The following COP1 variants were observed in gnomAD, a reference collection of about 807,000 sequenced individuals.
The protein encoded by COP1 is COP1 E3 ubiquitin ligase, also known as E3 ubiquitin-protein ligase COP1.
A neutral mutation model predicts 101.3 loss-of-function variants in COP1; 24 were observed. The observed-to-expected ratio is 0.24, with a 90% confidence interval of 0.17 to 0.33. COP1 has a LOEUF of 0.33. Among genes scored for constraint, COP1 ranks in the 10% least tolerant of loss-of-function variants. The pLI is 1.00. For synonymous variants in COP1, 347 were observed against 341.9 expected (o/e 1.01, Z -0.17); for missense variants, 663 against 906.2 (o/e 0.73, Z 3.45).
chr1:176,022,560 T>A (rs1666932066), intron 15 of COP1, among the ~76,000 whole-genome samples: 1 of 152,236 alleles, frequency 6.6e-6, no homozygotes. Flanking sequence ...GATGACAGGC[T>A]ACATTTTAAA....
In COP1 at chr1:176,085,739, T is replaced by G. The variant is rs770317848; in HGVS notation, c.1141+37A>C. 1.9e-5 allele frequency: 23 copies of G among 1,236,564 alleles called. No homozygotes were observed. In the East Asian group the frequency reaches 5.2e-4, roughly 28 times the overall value. The allele number at this position is 1,236,564 out of a possible 1,614,324, so 76.6% of individuals were successfully genotyped here. A position where few individuals can be genotyped will look rare whatever the true frequency, so the allele number is the denominator to read the frequency against. On this transcript the variant is annotated intron_variant, in intron 10 of 19. Coordinates refer to ENST00000367669, the MANE Select transcript of COP1 (RefSeq NM_022457.7). ...AAAACCTAGAAACAGATCTGAAATGTAGATTTCAGATAATTTGAGAAGGTC... is the reference window on the plus strand; with the variant it reads ...AAAACCTAGAAACAGATCTGAAATGGAGATTTCAGATAATTTGAGAAGGTC...
chr1:176,038,607 C>A (rs1316690113), intron 14 of COP1, among the ~76,000 whole-genome samples: 1 of 152,096 alleles, frequency 6.6e-6, no homozygotes, highest in Non-Finnish European at 1.5e-5. Flanking sequence ...ATCACAAGGT[C>A]AAGAGTTCGA....
intron 5 of COP1, among the ~76,000 whole-genome samples, chr1:176,158,985 T>C (rs1693897977): frequency 6.6e-6 from 1 of 152,176 alleles, no homozygotes; most frequent in African/African-American, 2.4e-5. Context: ...ATTACTTTAA[T>C]GTAGAATGTG....
chr1:176,022,483 C>T (rs530376351), intron 15 of COP1, among the ~76,000 whole-genome samples: 6 of 152,048 alleles, frequency 3.9e-5, no homozygotes, highest in Admixed American at 2.0e-4. Flanking sequence ...GATTCTGTAT[C>T]GCTCTCAGTG....
intron 1 of COP1, chr1:176,206,318 C>T (rs1700847048): frequency 3.9e-6 from 2 of 508,854 alleles, no homozygotes; most frequent in African/African-American, 4.0e-5. Flanking sequence ...GTTAAACTCC[C>T]TTCACTTCCT....
At chr1:176,120,164 A>T (rs897465853) in intron 8 of COP1, among the ~76,000 whole-genome samples, 1 of 152,120 alleles carries the variant, frequency 6.6e-6, no homozygotes, top group Non-Finnish European at 1.5e-5. Context: ...AAAATTATAA[A>T]AGTTATACTA....
chr1:176,189,076 G>A (rs970414735), intron 1 of COP1, among the ~76,000 whole-genome samples: 3 of 151,956 alleles, frequency 2.0e-5, no homozygotes, highest in African/African-American at 4.8e-5. Flanking sequence ...TCCCTAACAC[G>A]TACAATGCAC....
intron 5 of COP1, among the ~76,000 whole-genome samples, chr1:176,149,823 T>C (rs1438395417): frequency 2.0e-5 from 3 of 151,940 alleles, no homozygotes; most frequent in African/African-American, 7.2e-5. Context: ...TATAAAATAA[T>C]ATCAAAAGCT....
At chr1:176,092,751 T>A (rs1463517709) in intron 9 of COP1, among the ~76,000 whole-genome samples, 3 of 152,214 alleles carry the variant, frequency 2.0e-5, no homozygotes, top group African/African-American at 7.2e-5. Flanking sequence ...ACTCATGTAG[T>A]GGGAGTTTTA....
intron 18 of COP1, among the ~76,000 whole-genome samples, chr1:175,976,270 C>CTTTTTTTTT (rs10694480): frequency 0.072 from 4,106 of 56,834 alleles, 1,361 homozygotes; most frequent in East Asian, 0.085. Flanking sequence ...ATTAGTCATT[C>CTTTTTTTTT]TTTTTTTTTT....
intron 2 of COP1, among the ~76,000 whole-genome samples, chr1:176,177,894 G>GT (rs1334241350): frequency 6.6e-6 from 1 of 152,178 alleles, no homozygotes; most frequent in African/African-American, 2.4e-5. Flanking sequence ...GGAGGAAGGT[G>GT]TGAAGAATCA....
intron 3 of COP1, among the ~76,000 whole-genome samples, chr1:176,174,988 C>T (rs1451617312): frequency 2.0e-5 from 3 of 152,106 alleles, no homozygotes; most frequent in Admixed American, 2.0e-4. Context: ...GATCATTTAT[C>T]ATTTATACTT....
chr1:176,058,884 T>G (rs1382987256), intron 11 of COP1, among the ~76,000 whole-genome samples: 1 of 152,122 alleles, frequency 6.6e-6, no homozygotes, highest in Non-Finnish European at 1.5e-5. Flanking sequence ...CTTCAACTAC[T>G]GGACTTCAAA....
At chr1:176,029,242 T>TCTA (rs1668255350) in intron 14 of COP1, among the ~76,000 whole-genome samples, 1 of 151,068 alleles carries the variant, frequency 6.6e-6, no homozygotes, top group Admixed American at 6.7e-5. Context: ...AGTAATATAT[T>TCTA]CTAGAATTAT....
intron 8 of COP1, among the ~76,000 whole-genome samples, chr1:176,126,239 G>T (rs981912426): frequency 2.0e-5 from 3 of 152,134 alleles, no homozygotes; most frequent in Non-Finnish European, 4.4e-5. Context: ...GCTCTAGCTA[G>T]GACTTTTAGT....
Position 176,207,114 on chromosome 1 carries a change from A to C in COP1, c.-136T>G. 9.3e-6 allele frequency: 6 copies of C among 643,500 alleles called. No individual in the cohort carries two copies. The highest frequency in any genetic ancestry group is 1.2e-5 in the Non-Finnish European group (5 of 432,210). The allele number at this position is 643,500 out of a possible 1,614,324, so 39.9% of individuals were successfully genotyped here. On this transcript the variant is annotated 5_prime_UTR_variant, in exon 1 of 20. Coordinates refer to ENST00000367669, the MANE Select transcript of COP1 (RefSeq NM_022457.7). ...CCGGAGGTGGGGCTGAGGAACAATA[A>C]AGTTGCGTTTTTTTTTAAGGCAGCC...
intron 6 of COP1, among the ~76,000 whole-genome samples, chr1:176,147,247 C>T (rs1691709392): frequency 1.3e-5 from 2 of 152,038 alleles, no homozygotes; most frequent in South Asian, 2.1e-4. Flanking sequence ...AAAATATAAC[C>T]ACTCACTTCA....
intron 3 of COP1, among the ~76,000 whole-genome samples, chr1:176,173,338 A>AAC (rs1553306361): frequency 4.3e-4 from 64 of 149,570 alleles, no homozygotes; most frequent in Middle Eastern, 7.1e-3. Context: ...AAAAAAAAAA[A>AAC]AAAAAACCAG....
At chr1:176,120,651 A>G (rs918835266) in intron 8 of COP1, among the ~76,000 whole-genome samples, 6 of 152,210 alleles carry the variant, frequency 3.9e-5, no homozygotes, top group Non-Finnish European at 8.8e-5. Flanking sequence ...ATGCAAGTAG[A>G]TGTCCGTATA....
Sources: allele counts gnomAD v4.1 joint callset (sites outside exome capture counted in the v4.1 genomes callset), GRCh38; gene constraint gnomAD v4.1.1; transcripts MANE v1.5; gene names NCBI Gene and HGNC (gene_info 2026-07-23, HGNC 2026-07-21).